Variants in IFT88 observed in about 807,000 individuals in gnomAD.
IFT88 encodes intraflagellar transport 88, also known as intraflagellar transport protein 88 homolog.
IFT88 carries 74 observed loss-of-function variants against 119.5 expected under a neutral mutation model. The ratio of observed to expected loss-of-function variants is 0.62; its 90% CI spans 0.51 to 0.75. The LOEUF (loss-of-function observed/expected upper bound fraction) is 0.75, where lower values mean the gene tolerates loss of function less well. Ranked by LOEUF, IFT88 falls within the 30% of genes least tolerant of loss-of-function variation. IFT88 has a pLI of 0.00. For missense variants in IFT88, 961 were observed against 977.7 expected, an observed-to-expected ratio of 0.98 and a Z score of 0.23; for synonymous variants, 279 against 316.7, an observed-to-expected ratio of 0.88 and a Z score of 1.26.
rs181959051 is a variant in IFT88 at position 20,627,488 on chromosome 13, G to C, written c.1299+1639G>C. ...CTCACACCTGTAATCTCAGCACTTTGGGAGGCCGAGGCAGGTGGATCACCT... is the reference window on the plus strand; with the variant it reads ...CTCACACCTGTAATCTCAGCACTTTCGGAGGCCGAGGCAGGTGGATCACCT... On this transcript the variant is annotated intron_variant, in intron 15 of 25. Transcript: ENST00000351808. Among the ~76,000 whole-genome samples the C allele has an allele frequency of 1.9e-3, 296 of 152,246 alleles. 4 individuals are homozygous for C. Among genetic ancestry groups the C allele is most frequent in the Admixed American group, 0.014 (221 of 15,286 alleles).
At chr13:20,612,799 T>C (rs1361216697) in intron 13 of IFT88, among the ~76,000 whole-genome samples, 6 of 152,194 alleles carry the variant, frequency 3.9e-5, no homozygotes, top group Non-Finnish European at 5.9e-5. Context: ...GAAAAAACTC[T>C]TACGTTTATA....
chr13:20,649,921 C>T (rs796224927), intron 20 of IFT88, among the ~76,000 whole-genome samples: 20 of 152,076 alleles, frequency 1.3e-4, no homozygotes, highest in African/African-American at 4.8e-4. Flanking sequence ...TCAACCAAAC[C>T]CAACTCAAGA....
intron 3 of IFT88, among the ~76,000 whole-genome samples, chr13:20,587,996 C>CTTTTTTTTTTTTTTTTTTTTTTTTTTTT (rs35750861): frequency 7.4e-6 from 1 of 135,916 alleles, no homozygotes; most frequent in Non-Finnish European, 1.6e-5. Flanking sequence ...TTACTATTTG[C>CTTTTTTTTTTTTTTTTTTTTTTTTTTTT]TTTTTTTTTT....
chr13:20,660,461 T>C (rs2053604591), intron 22 of IFT88, among the ~76,000 whole-genome samples: 1 of 152,170 alleles, frequency 6.6e-6, no homozygotes, highest in Admixed American at 6.5e-5. Flanking sequence ...TTCAAAAGGT[T>C]CTAAAGTGTG....
At chr13:20,590,104 C>A (rs1398772909) in intron 4 of IFT88, among the ~76,000 whole-genome samples, 1 of 152,034 alleles carries the variant, frequency 6.6e-6, no homozygotes, top group Non-Finnish European at 1.5e-5. Flanking sequence ...ACCCTGTGTT[C>A]GTTGACGTCC....
At chr13:20,621,185 GCC>G (rs1259465290) in intron 14 of IFT88, among the ~76,000 whole-genome samples, 7 of 152,012 alleles carry the variant, frequency 4.6e-5, no homozygotes, top group Non-Finnish European at 8.8e-5. Context: ...TCGTACCTCA[GCC>G]TCCCAAGTAT....
intron 14 of IFT88, among the ~76,000 whole-genome samples, chr13:20,624,797 T>C (rs867578457): frequency 4.6e-5 from 7 of 152,332 alleles, no homozygotes; most frequent in Middle Eastern, 3.4e-3. Context: ...TGATATAAAA[T>C]GATATATATT....
chr13:20,618,542 C>T (rs773881776), intron 14 of IFT88, among the ~76,000 whole-genome samples: 10 of 152,100 alleles, frequency 6.6e-5, no homozygotes, highest in Admixed American at 5.2e-4. Context: ...TTTATAAAGC[C>T]GCCTAGGGGG....
At chr13:20,594,232 T>A (rs1359198956) in intron 7 of IFT88, among the ~76,000 whole-genome samples, 1 of 152,170 alleles carries the variant, frequency 6.6e-6, no homozygotes, top group Non-Finnish European at 1.5e-5. Context: ...CGCCTGCCGA[T>A]CATTATGATG....
At chr13:20,662,583 T>C (rs1170225754) in intron 22 of IFT88, among the ~76,000 whole-genome samples, 6 of 152,242 alleles carry the variant, frequency 3.9e-5, no homozygotes, top group Non-Finnish European at 8.8e-5. Context: ...ATTTTTTGTT[T>C]TTTACCTTTG....
chr13:20,626,791 G>A (rs2047406618), intron 15 of IFT88, among the ~76,000 whole-genome samples: 1 of 152,152 alleles, frequency 6.6e-6, no homozygotes, highest in Admixed American at 6.5e-5. Context: ...ACCAAAGAGA[G>A]TAAACAGAAT....
At chr13:20,572,271 TGCAGTG>T (rs2036517049) in intron 1 of IFT88, among the ~76,000 whole-genome samples, 1 of 152,072 alleles carries the variant, frequency 6.6e-6, no homozygotes, top group African/African-American at 2.4e-5. Context: ...CAGGTTGGAG[TGCAGTG>T]GCATGATCTC....
At chr13:20,674,325 A>G (rs2056340323) in intron 24 of IFT88, among the ~76,000 whole-genome samples, 1 of 152,218 alleles carries the variant, frequency 6.6e-6, no homozygotes, top group Admixed American at 6.5e-5. Context: ...GAATTTTGTT[A>G]AAGGTTGAGA....
intron 14 of IFT88, among the ~76,000 whole-genome samples, chr13:20,624,595 C>CTA (rs1340026082): frequency 2.6e-5 from 4 of 152,038 alleles, no homozygotes; most frequent in South Asian, 2.1e-4. Context: ...GGATGAAAAC[C>CTA]TATATATATA....
intron 24 of IFT88, among the ~76,000 whole-genome samples, chr13:20,681,740 A>G (rs936009622): frequency 3.3e-5 from 5 of 152,242 alleles, no homozygotes; most frequent in Admixed American, 6.5e-5. Flanking sequence ...AGCATTTTCA[A>G]CTAACTGTGT....
intron 7 of IFT88, among the ~76,000 whole-genome samples, chr13:20,595,340 G>A (rs2041459510): frequency 6.6e-6 from 1 of 151,970 alleles, no homozygotes; most frequent in Non-Finnish European, 1.5e-5. Flanking sequence ...GGAGTATGGA[G>A]TGCAGTGGCG....
intron 4 of IFT88, among the ~76,000 whole-genome samples, chr13:20,590,526 A>T (rs1223161705): frequency 6.6e-6 from 1 of 152,192 alleles, no homozygotes; most frequent in Admixed American, 6.5e-5. Context: ...TGTACATAAT[A>T]TAAACGTGTG....
chr13:20,641,615 CTA>C, intron 18 of IFT88: 1 of 370,812 alleles, frequency 2.7e-6, no homozygotes, highest in East Asian at 4.3e-5. Flanking sequence ...ATGGTTAAAA[CTA>C]TTATTTATTA....
At chr13:20,582,316 A>G (rs960327446) in intron 2 of IFT88, among the ~76,000 whole-genome samples, 1 of 152,212 alleles carries the variant, frequency 6.6e-6, no homozygotes, top group African/African-American at 2.4e-5. Flanking sequence ...ATGTAAGTAC[A>G]TTTCAGGAAT....
Sources: gnomAD v4.1 joint callset for allele counts (sites outside exome capture counted in the v4.1 genomes callset) on GRCh38, gnomAD v4.1.1 for gene constraint, MANE v1.5 for transcripts, NCBI Gene and HGNC (gene_info 2026-07-23, HGNC 2026-07-21) for gene names.